MGAM2: variants seen among roughly 807,000 people sequenced by gnomAD.
The protein encoded by MGAM2 is probable maltase-glucoamylase 2.
In MGAM2, 98 loss-of-function variants were observed where a neutral mutation model predicts 96.1. The ratio of observed to expected loss-of-function variants is 1.02; its 90% confidence interval spans 0.87 to 1.21. The LOEUF (loss-of-function observed/expected upper bound fraction) is 1.21, where lower values mean the gene tolerates loss of function less well. Among genes scored for constraint, MGAM2 ranks in the 50% most tolerant of loss-of-function variants. MGAM2 has a pLI of 0.00. For synonymous variants in MGAM2, 749 were observed against 414.8 expected (o/e 1.81, Z -9.79); for missense variants, 2,055 against 1,182.4 (o/e 1.74, Z -10.82).
Position 142,174,711 on chromosome 7 carries a change from C to T in MGAM2, c.3688-941C>T, listed in dbSNP as rs184726885. Among the ~76,000 whole-genome samples, 689 of 85,240 alleles carry T rather than the reference C, an allele frequency of 8.1e-3. 14 individuals are homozygous for T. Among genetic ancestry groups the T allele is most frequent in the African/African-American group, 0.041 (653 of 15,858 alleles). 55.9% of individuals were successfully genotyped at this position (85,240 alleles called of 152,430 possible). On this transcript the variant is annotated intron_variant, in intron 31 of 47. Transcript: ENST00000477922. ...CTAAATGCCCTTTATTTCTCTCTCT[C>T]TCTCTTTTTTTTTTTTTTTTTTGAG...
chr7:142,131,422 G>A lies in MGAM2; in HGVS notation c.311-96G>A. 7 of 653,956 alleles carry A rather than the reference G, an allele frequency of 1.1e-5. No homozygotes were observed. In the South Asian group the frequency reaches 1.2e-4, roughly 11 times the overall value. 40.5% of individuals were successfully genotyped at this position (653,956 alleles called of 1,614,324 possible). Reference sequence around the variant, plus strand: ...CTTGCACTCCAGCCTGGGCCACAGGGCAAGACTCCATCTCAAAACAAAAAC... The same window carrying A: ...CTTGCACTCCAGCCTGGGCCACAGGACAAGACTCCATCTCAAAACAAAAAC... On this transcript the variant is annotated intron_variant, in intron 4 of 47. Coordinates refer to ENST00000477922, the MANE Select transcript of MGAM2 (RefSeq NM_001293626.2).
chr7:142,130,591 C>A (rs1794855753), intron 3 of MGAM2, among the ~76,000 whole-genome samples: 1 of 152,196 alleles, frequency 6.6e-6, no homozygotes, highest in Non-Finnish European at 1.5e-5. Flanking sequence ...GCCTACTAGG[C>A]TGGGTACAGT....
chr7:142,172,846 T>G, intron 30 of MGAM2, 82 bp downstream of exon 30: 1 of 596,976 alleles, frequency 1.7e-6, no homozygotes, highest in Admixed American at 3.0e-5. Context: ...ATAGGGCAGT[T>G]TTTTCTTTTG....
At position 142,189,602 on chromosome 7, in the gene MGAM2, T is replaced by G; in HGVS notation, c.4346+97T>G. The G allele has an allele frequency of 1.2e-5, 6 of 510,482 alleles. No homozygotes were observed. The South Asian group carries it at 1.8e-4, about 15-fold the overall frequency. The allele number at this position is 510,482 out of a possible 1,614,324, so 31.6% of individuals were successfully genotyped here. A position where few individuals can be genotyped will look rare whatever the true frequency, so the allele number is the denominator to read the frequency against. On this transcript the variant is annotated intron_variant, in intron 37 of 47. Coordinates refer to ENST00000477922, the MANE Select transcript of MGAM2 (RefSeq NM_001293626.2). ...TGTGCATGTATCTACGTGATCCGAGTTAAATGGGTTAAAGTCAAAATTTCA... is the reference window on the plus strand; with the variant it reads ...TGTGCATGTATCTACGTGATCCGAGGTAAATGGGTTAAAGTCAAAATTTCA...
intron 1 of MGAM2, among the ~76,000 whole-genome samples, chr7:142,112,241 G>A (rs955111279): frequency 1.3e-5 from 2 of 152,066 alleles, no homozygotes; most frequent in Non-Finnish European, 2.9e-5. Flanking sequence ...TCTACCTTTA[G>A]GAATCCCCAT....
At chr7:142,143,705 A>C (rs1795302192) in intron 12 of MGAM2, 64 bp from the exon 13 acceptor site, 1 of 490,830 alleles carries the variant, frequency 2.0e-6, no homozygotes, top group South Asian at 4.0e-5. Flanking sequence ...AGAAGAAATC[A>C]CTGTCGGTCA....
At chr7:142,156,598 G>T (rs1234488786) in intron 17 of MGAM2, among the ~76,000 whole-genome samples, 1 of 152,192 alleles carries the variant, frequency 6.6e-6, no homozygotes, top group Non-Finnish European at 1.5e-5. Flanking sequence ...ATAGTGGACA[G>T]CACAGCTCTG....
At chr7:142,213,799 G>T (rs984763491) in intron 46 of MGAM2, among the ~76,000 whole-genome samples, 4 of 152,042 alleles carry the variant, frequency 2.6e-5, no homozygotes, top group Admixed American at 6.6e-5. Context: ...GAGGGACTCT[G>T]CCCTAACTCA....
chr7:142,172,719 TG>T lies in MGAM2; in HGVS notation c.3517del (p.Val1173PhefsTer9). 1.4e-6 allele frequency: 1 copy of T among 704,534 alleles called. No individual in the cohort carries two copies. The highest frequency in any genetic ancestry group is 2.6e-6 in the Non-Finnish European group (1 of 385,654). 43.6% of individuals were successfully genotyped at this position (704,534 alleles called of 1,614,324 possible). On this transcript the variant is annotated frameshift_variant, in exon 30 of 48. Transcript: ENST00000477922. LOFTEE classifies it high-confidence loss of function. Reference protein sequence around the residue: ...TTGGILDFYIVLGPTPELVTQ... With the variant: ...TTGGILDFYIXLGPTPELVTQ... ...CAGGAGGGATTTTGGACTTCTACATTGTTTTGGGGCCAACCCCTGAACTTGT... is the reference window on the plus strand; with the variant it reads ...CAGGAGGGATTTTGGACTTCTACATTTTTTGGGGCCAACCCCTGAACTTGT...
intron 30 of MGAM2, among the ~76,000 whole-genome samples, chr7:142,173,012 C>T (rs1796245836): frequency 1.3e-5 from 2 of 152,270 alleles, no homozygotes; most frequent in South Asian, 2.1e-4. Flanking sequence ...TCTCAGGTTT[C>T]CTAGAATGAA....
At chr7:142,175,409 G>T (rs1796341744) in intron 31 of MGAM2, among the ~76,000 whole-genome samples, 1 of 151,308 alleles carries the variant, frequency 6.6e-6, no homozygotes. Flanking sequence ...AAAGGGGATA[G>T]AGTTCCAATT....
intron 22 of MGAM2, among the ~76,000 whole-genome samples, 165 bp from the exon 23 acceptor site, chr7:142,161,789 GA>G (rs1416918723): frequency 3.9e-5 from 6 of 152,112 alleles, no homozygotes; most frequent in African/African-American, 1.4e-4. Context: ...TGAATTTAGA[GA>G]AAATGGTCCA....
rs779901079 is a variant in MGAM2 at position 142,134,096 on chromosome 7, C to T, written c.691C>T (p.His231Tyr). ...LGEHVHQQYR[H>Y]NMTWKTWPIF... is the part of the protein sequence containing the mutation. ...AGAGCATGTGCACCAGCAGTACCGC[C>T]ACAATATGACCTGGAAGACTTGGCC... The change falls in exon 7 of 48, where the codon CAC (histidine) becomes TAC (tyrosine). Residue 231 changes from histidine (H) to tyrosine (Y), a missense_variant. Physicochemically the swap from His to Tyr is moderately conservative, Grantham distance 83. Coordinates refer to ENST00000477922, the MANE Select transcript of MGAM2 (RefSeq NM_001293626.2). The T allele has an allele frequency of 9.2e-6, 7 of 763,382 alleles. No individual in the cohort carries two copies. Among genetic ancestry groups the T allele is most frequent in the Non-Finnish European group, 1.7e-5 (7 of 416,842 alleles). The allele number at this position is 763,382 out of a possible 1,614,324, so 47.3% of individuals were successfully genotyped here.
intron 20 of MGAM2, 117 bp downstream of exon 20, chr7:142,159,460 T>C: frequency 1.6e-6 from 1 of 626,220 alleles, no homozygotes; most frequent in Non-Finnish European, 2.9e-6. Flanking sequence ...GTTAGTTGAT[T>C]GTGGTCCTTT....
intron 3 of MGAM2, among the ~76,000 whole-genome samples, chr7:142,121,522 T>G (rs1794573726): frequency 1.3e-5 from 2 of 152,144 alleles, no homozygotes. Flanking sequence ...ATGTTTCTCT[T>G]ATATGTTTTA....
At chr7:142,206,269 G>A (rs188169067) in intron 45 of MGAM2, among the ~76,000 whole-genome samples, 3 of 152,154 alleles carry the variant, frequency 2.0e-5, no homozygotes, top group Admixed American at 6.5e-5. Flanking sequence ...ATTTTAAAGC[G>A]GTTTTTCTCA....
At chr7:142,155,957 C>A (rs1414389141) in intron 17 of MGAM2, among the ~76,000 whole-genome samples, 3 of 152,128 alleles carry the variant, frequency 2.0e-5, no homozygotes, top group Non-Finnish European at 2.9e-5. Flanking sequence ...ACCAGCCTGA[C>A]CAACATGGAG....
rs1333607210 is a variant in MGAM2 at position 142,184,023 on chromosome 7, A to AGT, written c.3924+652_3924+653dup. Reference sequence around the variant, plus strand: ...AGTGTCACTCTGTTACCCAGGCTGGAGTGCAGTGGTATGATCTTGGCTGTC... The same window carrying AGT: ...AGTGTCACTCTGTTACCCAGGCTGGAGTGTGCAGTGGTATGATCTTGGCTGTC... On this transcript the variant is annotated intron_variant, in intron 33 of 47. Coordinates refer to ENST00000477922, the MANE Select transcript of MGAM2 (RefSeq NM_001293626.2). Among the ~76,000 whole-genome samples, 21 of 111,396 alleles carry AGT rather than the reference A, an allele frequency of 1.9e-4. No homozygotes were observed. The Admixed American group carries it at 2.9e-3, about 15-fold the overall frequency. 73.1% of individuals were successfully genotyped at this position (111,396 alleles called of 152,430 possible).
At chr7:142,146,141 T>C (rs909502927) in intron 14 of MGAM2, among the ~76,000 whole-genome samples, 1 of 48,696 alleles carries the variant, frequency 2.1e-5, no homozygotes, top group Non-Finnish European at 4.7e-5. Context: ...TAGTTTATCA[T>C]GTTTTTTTTT....
Sources: allele counts gnomAD v4.1 joint callset (sites outside exome capture counted in the v4.1 genomes callset), GRCh38; gene constraint gnomAD v4.1.1; transcripts MANE v1.5; gene names NCBI Gene and HGNC (gene_info 2026-07-23, HGNC 2026-07-21).